Variants in GSPT1 observed in about 807,000 individuals in gnomAD.
The protein encoded by GSPT1 is G1 to S phase transition 1, also known as eukaryotic peptide chain release factor GTP-binding subunit ERF3A.
GSPT1 carries 20 observed loss-of-function variants against 72.5 expected under a neutral mutation model. The ratio of observed to expected loss-of-function variants is 0.28; its 90% CI spans 0.19 to 0.40. The LOEUF (loss-of-function observed/expected upper bound fraction) is 0.40, where lower values mean the gene tolerates loss of function less well. Among genes scored for constraint, GSPT1 ranks in the 10% least tolerant of loss-of-function variants. The pLI is 1.00. For synonymous variants in GSPT1, 334 were observed against 293.5 expected (o/e 1.14, Z -1.41); for missense variants, 580 against 811.9 (o/e 0.71, Z 3.47).
chr16:11,886,971 A>G (rs773653898), intron 7 of GSPT1, 40 bp from the exon 8 acceptor site: 42 of 1,550,856 alleles, frequency 2.7e-5, no homozygotes, highest in Non-Finnish European at 3.5e-5. Context: ...CTTCGCCTTC[A>G]GGCATACCCT....
At chr16:11,906,833 T>C (rs1385015184) in intron 1 of GSPT1, among the ~76,000 whole-genome samples, 1 of 152,136 alleles carries the variant, frequency 6.6e-6, no homozygotes, top group Non-Finnish European at 1.5e-5. Flanking sequence ...TGAGACAATA[T>C]TTCTTGAATT....
intron 6 of GSPT1, chr16:11,890,830 A>G (rs1300800756): frequency 9.1e-6 from 3 of 328,004 alleles, no homozygotes; most frequent in Non-Finnish European, 1.1e-5. Flanking sequence ...GATGGTTTAT[A>G]GTATTTTCAA....
intron 1 of GSPT1, among the ~76,000 whole-genome samples, chr16:11,913,063 C>A (rs1567454615): frequency 6.6e-6 from 1 of 152,216 alleles, no homozygotes; most frequent in African/African-American, 2.4e-5. Flanking sequence ...TTGTCCACTT[C>A]CTCGCTATCA....
rs1037260077 is a variant in GSPT1 at position 11,871,249 on chromosome 16, G to T, written c.*1870C>A. On this transcript the variant is annotated 3_prime_UTR_variant, in exon 15 of 15. Coordinates refer to ENST00000434724, the MANE Select transcript of GSPT1 (RefSeq NM_002094.4). ...GTCCATAAGATGTAGCCTCATTCAA[G>T]AAATGAATGGGAATTTCACAGTTAA... 4.6e-5 allele frequency: 7 copies of T among 152,190 alleles called. No homozygotes were observed. The highest frequency in any genetic ancestry group is 1.7e-4 in the African/African-American group (7 of 41,450). The allele number at this position is 152,190 out of a possible 1,614,324, so 9.4% of individuals were successfully genotyped here.
At chr16:11,896,338 T>G (rs2054338318) in intron 4 of GSPT1, among the ~76,000 whole-genome samples, 1 of 152,196 alleles carries the variant, frequency 6.6e-6, no homozygotes, top group Admixed American at 6.5e-5. Context: ...ATACTGAAGT[T>G]TTTCTTCCAG....
intron 1 of GSPT1, among the ~76,000 whole-genome samples, chr16:11,911,048 C>CT (rs1407965423): frequency 6.6e-6 from 1 of 152,204 alleles, no homozygotes; most frequent in Admixed American, 6.5e-5. Flanking sequence ...ACTGTGGGGC[C>CT]TCTCCTCTAC....
rs528833839 is a variant in GSPT1, at chr16:11,907,572, C to T, written c.352+7797G>A. ...CCAGGGCCACTCTCAGAAAACTACA[C>T]GCTAGTTGTAGTAATTAGCTCCAGG... On this transcript the variant is annotated intron_variant, in intron 1 of 14. Coordinates refer to ENST00000434724, the MANE Select transcript of GSPT1 (RefSeq NM_002094.4). Among the ~76,000 whole-genome samples the T allele has an allele frequency of 7.2e-5, 11 of 152,086 alleles. No homozygotes were observed. In the South Asian group the frequency reaches 1.0e-3, roughly 14 times the overall value.
intron 14 of GSPT1, among the ~76,000 whole-genome samples, chr16:11,873,829 T>C (rs530824536): frequency 3.5e-4 from 53 of 152,268 alleles, no homozygotes; most frequent in African/African-American, 7.2e-4. Flanking sequence ...CCTCAGGTGA[T>C]CCGCCTGCCT....
intron 1 of GSPT1, among the ~76,000 whole-genome samples, chr16:11,910,803 A>G (rs886203098): frequency 1.3e-5 from 2 of 152,262 alleles, no homozygotes; most frequent in Non-Finnish European, 2.9e-5. Context: ...ATGTACTGAC[A>G]GCACTACGTA....
intron 14 of GSPT1, among the ~76,000 whole-genome samples, chr16:11,873,988 C>T (rs886115193): frequency 5.3e-5 from 8 of 152,314 alleles, no homozygotes; most frequent in Middle Eastern, 3.4e-3. Flanking sequence ...GAATAAATAA[C>T]ATGTTACATG....
chr16:11,886,956 T>C (rs373599882), intron 7 of GSPT1, 25 bp from the exon 8 acceptor site: 1 of 1,607,648 alleles, frequency 6.2e-7, no homozygotes, highest in Non-Finnish European at 8.5e-7. Context: ...GGAAACAGTT[T>C]ACTCCTTCGC....
intron 11 of GSPT1, among the ~76,000 whole-genome samples, chr16:11,879,738 CA>C (rs1195456490): frequency 0.015 from 1,264 of 84,284 alleles, 6 homozygotes; most frequent in South Asian, 0.046. Flanking sequence ...GACTCCGTCT[CA>C]AAAAAAAAAA....
At chr16:11,876,889 CAGTAA>C (rs1323437878) in intron 12 of GSPT1, among the ~76,000 whole-genome samples, 7 of 152,318 alleles carry the variant, frequency 4.6e-5, no homozygotes, top group African/African-American at 1.2e-4. Flanking sequence ...ATCCAAGGTC[CAGTAA>C]AGTAAACAAC....
intron 9 of GSPT1, 93 bp downstream of exon 9, chr16:11,886,376 CAT>C (rs1459920551): frequency 2.7e-6 from 2 of 727,592 alleles, no homozygotes; most frequent in Non-Finnish European, 4.5e-6. Context: ...TGCTCAAAAG[CAT>C]ATGTTAACAT....
intron 1 of GSPT1, among the ~76,000 whole-genome samples, chr16:11,909,793 C>T (rs1488360392): frequency 1.3e-5 from 2 of 152,128 alleles, no homozygotes; most frequent in Non-Finnish European, 1.5e-5. Flanking sequence ...GGCGTGGTGG[C>T]GGGCACCTGT....
rs1269000812 is a variant in GSPT1 at position 11,876,656 on chromosome 16, T to G, written c.1603-481A>C. ...TACTCAGGAGGCTGAGGCAGGACAA[T>G]CGCTTGAATCCCGGAGGTGGAGGTT... On this transcript the variant is annotated intron_variant, in intron 12 of 14. Coordinates refer to ENST00000434724, the MANE Select transcript of GSPT1 (RefSeq NM_002094.4). Among the ~76,000 whole-genome samples the G allele has an allele frequency of 2.6e-5, 4 of 152,152 alleles. No homozygotes were observed. In the East Asian group the frequency reaches 5.8e-4, roughly 22 times the overall value.
intron 1 of GSPT1, among the ~76,000 whole-genome samples, chr16:11,905,191 T>A (rs543229855): frequency 2.6e-5 from 4 of 152,190 alleles, no homozygotes; most frequent in Non-Finnish European, 4.4e-5. Context: ...TGCATGAAAG[T>A]AAGAAATATG....
chr16:11,905,962 C>G (rs547763752), intron 1 of GSPT1, among the ~76,000 whole-genome samples: 1 of 152,370 alleles, frequency 6.6e-6, no homozygotes, highest in South Asian at 2.1e-4. Context: ...CTTCAGTAGT[C>G]TCAACAAGTT....
chr16:11,916,106 G>T (rs898866938), upstream of GSPT1: 1 of 461,908 alleles, frequency 2.2e-6, no homozygotes, highest in Admixed American at 2.9e-5. Flanking sequence ...GGCGGGAGGT[G>T]GAACTACAAG....
Sources: gnomAD v4.1 joint callset for allele counts (sites outside exome capture counted in the v4.1 genomes callset) on GRCh38, gnomAD v4.1.1 for gene constraint, MANE v1.5 for transcripts, NCBI Gene and HGNC (gene_info 2026-07-23, HGNC 2026-07-21) for gene names.